RIMS1: variants seen among roughly 807,000 people sequenced by gnomAD.
The protein encoded by RIMS1 is regulating synaptic membrane exocytosis protein 1.
Under a neutral mutation model 214.1 loss-of-function variants are expected in RIMS1, and 83 were observed. The ratio of observed to expected loss-of-function variants is 0.39; its 90% CI spans 0.32 to 0.47. The LOEUF (loss-of-function observed/expected upper bound fraction) is 0.47. RIMS1 is among the 20% of genes least tolerant of loss of function. RIMS1 has a pLI of 0.99. For synonymous variants in RIMS1, 793 were observed against 786.8 expected (o/e 1.01, Z -0.13); for missense variants, 2,050 against 2,161.8 (o/e 0.95, Z 1.03).
chr6:72,386,583 T>C (rs1428877297), intron 29 of RIMS1, among the ~76,000 whole-genome samples: 2 of 152,186 alleles, frequency 1.3e-5, no homozygotes, highest in Admixed American at 6.5e-5. Context: ...TCATAGCTTG[T>C]GTCGTCACTT....
intron 28 of RIMS1, among the ~76,000 whole-genome samples, chr6:72,325,159 G>A (rs1215322739): frequency 1.3e-5 from 2 of 151,564 alleles, no homozygotes; most frequent in Non-Finnish European, 2.9e-5. Context: ...TTGAAACTCG[G>A]TGATGGCAGC....
intron 1 of RIMS1, among the ~76,000 whole-genome samples, chr6:71,937,869 T>A (rs1195304838): frequency 6.6e-6 from 1 of 152,288 alleles, no homozygotes; most frequent in Middle Eastern, 3.4e-3. Context: ...CAAAATATAT[T>A]CATTCCATTC....
At chr6:72,223,748 C>T (rs2059277350) in intron 6 of RIMS1, among the ~76,000 whole-genome samples, 1 of 151,852 alleles carries the variant, frequency 6.6e-6, no homozygotes, top group South Asian at 2.1e-4. Context: ...GAAATCGAGA[C>T]CATCCTGGCT....
At chr6:72,050,215 T>A (rs545974858) in intron 2 of RIMS1, among the ~76,000 whole-genome samples, 5 of 152,280 alleles carry the variant, frequency 3.3e-5, no homozygotes, top group African/African-American at 1.2e-4. Flanking sequence ...TTGTAATATC[T>A]ATTTTTTTAA....
intron 1 of RIMS1, among the ~76,000 whole-genome samples, chr6:71,924,785 CAA>C (rs1410870441): frequency 1.0e-5 from 1 of 98,512 alleles, no homozygotes; most frequent in African/African-American, 4.1e-5. Flanking sequence ...GCAGCCTGAG[CAA>C]CAGAGCAAGA....
chr6:72,113,268 A>G (rs919169047), intron 4 of RIMS1, among the ~76,000 whole-genome samples: 1 of 152,122 alleles, frequency 6.6e-6, no homozygotes, highest in African/African-American at 2.4e-5. Flanking sequence ...GTCTTGGATC[A>G]TGGATTGACC....
intron 29 of RIMS1, among the ~76,000 whole-genome samples, chr6:72,375,939 C>A (rs2098363475): frequency 6.6e-6 from 1 of 152,138 alleles, no homozygotes; most frequent in African/African-American, 2.4e-5. Context: ...TGGTAAATAT[C>A]TCTGACCACA....
intron 1 of RIMS1, among the ~76,000 whole-genome samples, chr6:71,892,350 A>G (rs904310324): frequency 7.6e-4 from 115 of 152,304 alleles, no homozygotes; most frequent in African/African-American, 2.7e-3. Context: ...TAGTTTTCCA[A>G]TGTTAGTGAA....
At chr6:72,039,383 G>C (rs1820799410) in intron 2 of RIMS1, among the ~76,000 whole-genome samples, 1 of 152,004 alleles carries the variant, frequency 6.6e-6, no homozygotes, top group Non-Finnish European at 1.5e-5. Flanking sequence ...TTCTGAAGCA[G>C]ATCTTCCTTT....
intron 23 of RIMS1, among the ~76,000 whole-genome samples, chr6:72,275,703 A>G (rs904046519): frequency 2.0e-5 from 3 of 152,202 alleles, no homozygotes; most frequent in African/African-American, 4.8e-5. Context: ...TAACCAATCT[A>G]AAAAGTATTA....
intron 29 of RIMS1, among the ~76,000 whole-genome samples, chr6:72,368,446 G>A (rs183546414): frequency 7.1e-6 from 1 of 141,580 alleles, no homozygotes; most frequent in South Asian, 2.4e-4. Context: ...GGACTACCAC[G>A]CCCAGATAAT....
chr6:72,013,787 G>A (rs1385881362), intron 2 of RIMS1, among the ~76,000 whole-genome samples: 1 of 152,102 alleles, frequency 6.6e-6, no homozygotes. Context: ...CTGGTTTTTA[G>A]TTTATTCACA....
chr6:71,933,087 C>T (rs186469449), intron 1 of RIMS1, among the ~76,000 whole-genome samples: 1 of 152,156 alleles, frequency 6.6e-6, no homozygotes, highest in East Asian at 1.9e-4. Context: ...ATCATCAGTG[C>T]TTCAGATATG....
In RIMS1 at chr6:71,905,975, A is replaced by G. The variant is rs529590703; in HGVS notation, c.164+18788A>G. Among the ~76,000 whole-genome samples the G allele has an allele frequency of 1.2e-4, 19 of 152,302 alleles. 2 individuals carry two copies. Among genetic ancestry groups the G allele is most frequent in the Admixed American group, 1.2e-3 (19 of 15,286 alleles). On this transcript the variant is annotated intron_variant, in intron 1 of 33. Coordinates refer to ENST00000521978, the MANE Select transcript of RIMS1 (RefSeq NM_014989.7). ...ACCATCTAACCAATATTTTGGGGCT[A>G]TAGGGACAAAGTCCCTGTCCTCCTT...
intron 29 of RIMS1, among the ~76,000 whole-genome samples, chr6:72,337,543 C>T (rs1365606916): frequency 2.6e-5 from 4 of 151,596 alleles, no homozygotes; most frequent in Non-Finnish European, 5.9e-5. Context: ...TCACAAGAAA[C>T]TTATGAAATG....
At chr6:71,963,151 T>C (rs1793446714) in intron 1 of RIMS1, among the ~76,000 whole-genome samples, 3 of 152,200 alleles carry the variant, frequency 2.0e-5, no homozygotes, top group Admixed American at 2.0e-4. Context: ...ACTTCACAGT[T>C]GATGTTTATC....
chr6:71,938,376 G>A (rs2150986687), intron 1 of RIMS1, among the ~76,000 whole-genome samples: 1 of 152,288 alleles, frequency 6.6e-6, no homozygotes, highest in Non-Finnish European at 1.5e-5. Context: ...ATGTGCACTT[G>A]GCATTGCCCT....
chr6:72,094,907 A>C (rs797012526), intron 2 of RIMS1, among the ~76,000 whole-genome samples: 3 of 151,418 alleles, frequency 2.0e-5, no homozygotes, highest in Non-Finnish European at 2.9e-5. Flanking sequence ...TTCCTTGGTT[A>C]GATATATTTC....
chr6:72,029,986 A>T (rs1817622603), intron 2 of RIMS1, among the ~76,000 whole-genome samples: 1 of 152,230 alleles, frequency 6.6e-6, no homozygotes, highest in Non-Finnish European at 1.5e-5. Flanking sequence ...CAATCTAGAT[A>T]CGATTTGGCC....
Sources: allele counts gnomAD v4.1 joint callset (sites outside exome capture counted in the v4.1 genomes callset), GRCh38; gene constraint gnomAD v4.1.1; transcripts MANE v1.5; gene names NCBI Gene and HGNC (gene_info 2026-07-23, HGNC 2026-07-21).